Variants in TMEM236 observed in about 807,000 individuals in gnomAD.
TMEM236 encodes the protein transmembrane protein 236.
TMEM236 carries 11 observed loss-of-function variants against 14.7 expected under a neutral mutation model. The observed-to-expected ratio is 0.75, with a 90% CI of 0.47 to 1.24. The LOEUF is 1.24. TMEM236 is among the 50% of genes most tolerant of loss of function. The pLI is 0.00. For synonymous variants in TMEM236, 182 were observed against 168.6 expected (o/e 1.08, Z -0.62); for missense variants, 464 against 427.3 (o/e 1.09, Z -0.76).
chr10:17,773,271 C>G (rs1200429767), intron 2 of TMEM236, among the ~76,000 whole-genome samples: 1 of 152,200 alleles, frequency 6.6e-6, no homozygotes, highest in Non-Finnish European at 1.5e-5. Flanking sequence ...ACAGATTGTA[C>G]TGATTTCTAT....
chr10:17,771,140 C>T (rs1461166170), intron 1 of TMEM236, 169 bp from the exon 2 acceptor site: 14 of 647,060 alleles, frequency 2.2e-5, no homozygotes, highest in Admixed American at 8.0e-5. Flanking sequence ...GGTTTCTGCG[C>T]GTGTTCCTCT....
rs920578322 is a variant in TMEM236, at chr10:17,784,236, A to G, written c.472+8066A>G. Among the ~76,000 whole-genome samples, 506 of 152,350 alleles carry G rather than the reference A, an allele frequency of 3.3e-3. 1 individual carries two copies. Among genetic ancestry groups the G allele is most frequent in the Admixed American group, 7.6e-3 (117 of 15,302 alleles). ...TTAATGAAGAAAAATTGAATTCTCT[A>G]TAGGATACAAGTTGGTTAATTTATA... On this transcript the variant is annotated intron_variant, in intron 3 of 3. Transcript: ENST00000377495.
intron 3 of TMEM236, among the ~76,000 whole-genome samples, chr10:17,785,687 G>A (rs944282135): frequency 6.6e-6 from 1 of 152,024 alleles, no homozygotes; most frequent in East Asian, 1.9e-4. Context: ...TCCATAATGT[G>A]TTGTTTTGCA....
At chr10:17,789,169 A>G (rs978705396) in intron 3 of TMEM236, among the ~76,000 whole-genome samples, 1 of 152,172 alleles carries the variant, frequency 6.6e-6, no homozygotes, top group African/African-American at 2.4e-5. Context: ...TGTGTAGGTT[A>G]TATCTGTAGG....
At chr10:17,769,785 A>C (rs1276340634) in intron 1 of TMEM236, among the ~76,000 whole-genome samples, 1 of 152,098 alleles carries the variant, frequency 6.6e-6, no homozygotes, top group Non-Finnish European at 1.5e-5. Context: ...GGGATGGGGG[A>C]GGCAAGACAG....
intron 1 of TMEM236, among the ~76,000 whole-genome samples, chr10:17,761,126 C>T (rs71497203): frequency 0.12 from 19,006 of 152,166 alleles, 1,756 homozygotes; most frequent in East Asian, 0.41. Context: ...TCCTTGTTCT[C>T]CATGGCTGTT....
At position 17,799,575 on chromosome 10, in the gene TMEM236, A is replaced by C. The variant is rs1414088877; in HGVS notation, c.*3071A>C. 1.3e-5 allele frequency: 2 copies of C among 152,466 alleles called. No homozygotes were observed. Among genetic ancestry groups the C allele is most frequent in the African/African-American group, 4.8e-5 (2 of 41,440 alleles). 9.4% of individuals were successfully genotyped at this position (152,466 alleles called of 1,614,324 possible). A position where few individuals can be genotyped will look rare whatever the true frequency, so the allele number is the denominator to read the frequency against. On this transcript the variant is annotated 3_prime_UTR_variant, in exon 4 of 4. Transcript: ENST00000377495. ...GCGCCATTGCACACCAGCCTGGGTG[A>C]CAAGAGTCTCAAAAAAAAAATTATA...
intron 3 of TMEM236, among the ~76,000 whole-genome samples, chr10:17,793,474 T>G (rs1326945714): frequency 6.6e-6 from 1 of 152,220 alleles, no homozygotes; most frequent in Non-Finnish European, 1.5e-5. Flanking sequence ...TATTGATTTT[T>G]AAATTCATTT....
chr10:17,772,195 A>G (rs1185825670), intron 2 of TMEM236, among the ~76,000 whole-genome samples: 2 of 152,188 alleles, frequency 1.3e-5, no homozygotes, highest in Non-Finnish European at 2.9e-5. Context: ...GGCAATTAGA[A>G]CAAGTATCAC....
chr10:17,780,843 T>C (rs1837735919), intron 3 of TMEM236, among the ~76,000 whole-genome samples: 1 of 152,146 alleles, frequency 6.6e-6, no homozygotes, highest in Non-Finnish European at 1.5e-5. Context: ...GGCTCCTAAA[T>C]GGGAATTCCA....
intron 1 of TMEM236, among the ~76,000 whole-genome samples, chr10:17,753,432 T>C (rs1277598578): frequency 1.3e-5 from 2 of 152,128 alleles, no homozygotes; most frequent in Admixed American, 1.3e-4. Context: ...CGGTGTGTGT[T>C]GTTCCCCTCT....
At chr10:17,768,086 G>GTGTTTTTTTTTTTTTTT (rs1837500427) in intron 1 of TMEM236, among the ~76,000 whole-genome samples, 3 of 92,020 alleles carry the variant, frequency 3.3e-5, no homozygotes, top group Admixed American at 1.2e-4. Flanking sequence ...AATTTTTGTG[G>GTGTTTTTTTTTTTTTTT]TTTTTTTTTT....
chr10:17,796,059 T>G lies in TMEM236; in HGVS notation c.611T>G (p.Met204Arg). The part of the protein sequence containing the change: ...STQVSQPSGA[M>R]TRSQESVFMG... Reference sequence around the variant, plus strand: ...CAGGTGTCGCAGCCATCAGGAGCCATGACACGGAGCCAGGAGTCTGTGTTC... The same window carrying G: ...CAGGTGTCGCAGCCATCAGGAGCCAGGACACGGAGCCAGGAGTCTGTGTTC... The change falls in exon 4 of 4, where the codon ATG becomes AGG. Residue 204 changes from methionine (M) to arginine (R), a missense_variant. Met to Arg is a moderately conservative substitution (Grantham distance 91, BLOSUM62 -1). Transcript: ENST00000377495. The G allele has an allele frequency of 6.2e-7, 1 of 1,613,906 alleles. No individual in the cohort carries two copies. The highest frequency in any genetic ancestry group is 2.2e-5 in the East Asian group (1 of 44,876).
In TMEM236 at chr10:17,795,961, C is replaced by A; in HGVS notation, c.513C>A (p.His171Gln). The change falls in exon 4 of 4, where the codon CAC becomes CAA. Residue 171 changes from histidine (H) to glutamine (Q), a missense_variant. Transcript: ENST00000377495. Reference protein sequence around the residue: ...NGHIHSTSLQHIKTVTEQVRQ... With the variant: ...NGHIHSTSLQQIKTVTEQVRQ... ...ACATCCATTCAACCTCTTTGCAACA[C>A]ATAAAAACTGTGACGGAGCAAGTGA... The A allele has an allele frequency of 6.2e-7, 1 of 1,613,844 alleles. No individual in the cohort carries two copies. The highest frequency in any genetic ancestry group is 8.5e-7 in the Non-Finnish European group (1 of 1,179,860).
At position 17,797,009 on chromosome 10, in the gene TMEM236, A is replaced by G. The variant is rs932990185; in HGVS notation, c.*505A>G. On this transcript the variant is annotated 3_prime_UTR_variant, in exon 4 of 4. Transcript: ENST00000377495. The stretch of plus-strand genomic sequence containing the variant: ...AATACCTGATGATCTGAGGTGGGAC[A>G]GTTTCATCCCAGAACCCAACCCCAC... 23 of 164,148 alleles carry G rather than the reference A, an allele frequency of 1.4e-4. No individual in the cohort carries two copies. The highest frequency in any genetic ancestry group is 7.2e-4 in the Admixed American group (13 of 18,052). 10.2% of individuals were successfully genotyped at this position (164,148 alleles called of 1,614,324 possible). A position where few individuals can be genotyped will look rare whatever the true frequency, so the allele number is the denominator to read the frequency against.
intron 3 of TMEM236, among the ~76,000 whole-genome samples, chr10:17,785,821 G>A (rs1837826985): frequency 6.6e-6 from 1 of 152,086 alleles, no homozygotes; most frequent in Admixed American, 6.5e-5. Context: ...GTTAGTTCTA[G>A]GATTTTTTTT....
At chr10:17,792,942 A>G (rs1837950589) in intron 3 of TMEM236, among the ~76,000 whole-genome samples, 1 of 152,230 alleles carries the variant, frequency 6.6e-6, no homozygotes, top group Non-Finnish European at 1.5e-5. Context: ...ATGACCCTGT[A>G]CTTTGCTCCG....
At chr10:17,774,445 A>T (rs1589146574) in intron 2 of TMEM236, among the ~76,000 whole-genome samples, 2 of 152,032 alleles carry the variant, frequency 1.3e-5, no homozygotes, top group South Asian at 4.2e-4. Flanking sequence ...CAGTGAGTTA[A>T]TTTTTTTCCC....
intron 3 of TMEM236, among the ~76,000 whole-genome samples, 175 bp from the exon 4 acceptor site, chr10:17,795,746 C>G (rs1356160961): frequency 6.6e-6 from 1 of 152,030 alleles, no homozygotes; most frequent in Non-Finnish European, 1.5e-5. Flanking sequence ...ATGTAACAAA[C>G]CTGCATGTCC....
Sources: allele counts gnomAD v4.1 joint callset (sites outside exome capture counted in the v4.1 genomes callset), GRCh38; gene constraint gnomAD v4.1.1; transcripts MANE v1.5; gene names NCBI Gene and HGNC (gene_info 2026-07-23, HGNC 2026-07-21).